Variants in GUCY1A2 observed in about 807,000 individuals in gnomAD.
GUCY1A2 encodes guanylate cyclase 1 soluble subunit alpha 2.
Under a neutral mutation model 63.5 loss-of-function variants are expected in GUCY1A2, and 27 were observed. The ratio of observed to expected loss-of-function variants is 0.43; its 90% CI spans 0.31 to 0.59. The LOEUF (loss-of-function observed/expected upper bound fraction) is 0.59, where lower values mean the gene tolerates loss of function less well. Ranked by LOEUF, GUCY1A2 falls within the 20% of genes least tolerant of loss-of-function variation. The probability of loss-of-function intolerance (pLI) is 0.11; values close to 1 mark genes in which losing one functional copy is unlikely to be tolerated. For missense variants in GUCY1A2, 768 were observed against 913.3 expected (o/e 0.84, Z 2.05); for synonymous variants, 364 against 343.5 (o/e 1.06, Z -0.66).
intron 7 of GUCY1A2, among the ~76,000 whole-genome samples, chr11:106,705,962 A>G (rs951840220): frequency 6.6e-6 from 1 of 152,202 alleles, no homozygotes; most frequent in African/African-American, 2.4e-5. Context: ...TGTTTTGTTC[A>G]TTTTTATTAA....
intron 1 of GUCY1A2, among the ~76,000 whole-genome samples, chr11:107,012,595 C>G (rs1297795218): frequency 6.6e-6 from 1 of 152,152 alleles, no homozygotes; most frequent in Non-Finnish European, 1.5e-5. Context: ...GAGGATTACT[C>G]AAACCGAAAT....
At chr11:106,878,322 A>G (rs1382672293) in intron 4 of GUCY1A2, among the ~76,000 whole-genome samples, 1 of 152,086 alleles carries the variant, frequency 6.6e-6, no homozygotes, top group Non-Finnish European at 1.5e-5. Flanking sequence ...ATAAGGACAC[A>G]AGGAACATCT....
At chr11:106,908,021 G>A (rs146793354) in intron 4 of GUCY1A2, among the ~76,000 whole-genome samples, 143 of 152,126 alleles carry the variant, frequency 9.4e-4, no homozygotes, top group African/African-American at 3.4e-3. Context: ...ACTTTATTAG[G>A]ATTATAACAG....
chr11:106,922,816 T>G (rs370720326), intron 4 of GUCY1A2, among the ~76,000 whole-genome samples: 1 of 151,326 alleles, frequency 6.6e-6, no homozygotes, highest in East Asian at 1.9e-4. Flanking sequence ...TCATTTCACA[T>G]GTATACTCCC....
rs560451955 is a variant in GUCY1A2 at position 106,730,892 on chromosome 11, C to T, written c.1837-22226G>A. 3.3e-5 allele frequency among the ~76,000 whole-genome samples: 5 copies of T among 152,074 alleles called. No individual in the cohort carries two copies. In the South Asian group the frequency reaches 8.3e-4, roughly 25 times the overall value. On this transcript the variant is annotated intron_variant, in intron 6 of 7. Transcript: ENST00000526355. ...GTGATGTTGGGCATTTTTTCATATGCTTATTGGCCATGTGTATGTCTTCTT... is the reference window on the plus strand; with the variant it reads ...GTGATGTTGGGCATTTTTTCATATGTTTATTGGCCATGTGTATGTCTTCTT...
chr11:106,941,351 C>A (rs890484509), intron 3 of GUCY1A2, among the ~76,000 whole-genome samples: 1 of 152,238 alleles, frequency 6.6e-6, no homozygotes, highest in South Asian at 2.1e-4. Flanking sequence ...AAGATCCCCC[C>A]CTTGAGGATG....
chr11:106,785,017 G>A (rs991537420), intron 5 of GUCY1A2, among the ~76,000 whole-genome samples: 2 of 152,084 alleles, frequency 1.3e-5, no homozygotes, highest in Non-Finnish European at 2.9e-5. Context: ...GTGTACATAG[G>A]TACCCACTCC....
chr11:106,962,059 T>C (rs1436642305), intron 3 of GUCY1A2, among the ~76,000 whole-genome samples: 1 of 152,218 alleles, frequency 6.6e-6, no homozygotes, highest in Non-Finnish European at 1.5e-5. Flanking sequence ...TATGTGGAGA[T>C]ACCAAGATTT....
intron 6 of GUCY1A2, among the ~76,000 whole-genome samples, chr11:106,709,621 G>GTATATATTATATACACGTA (rs1361240113): frequency 7.9e-5 from 3 of 37,864 alleles, no homozygotes; most frequent in East Asian, 2.8e-3. Context: ...TTATATACGT[G>GTATATATTATATACACGTA]TATATATTAT....
chr11:106,804,619 C>T, intron 5 of GUCY1A2, among the ~76,000 whole-genome samples: 1 of 152,152 alleles, frequency 6.6e-6, no homozygotes. Context: ...GAAGAGAGGG[C>T]TTTAGTAGCT....
intron 7 of GUCY1A2, among the ~76,000 whole-genome samples, chr11:106,703,026 C>T (rs1862844576): frequency 6.6e-6 from 1 of 152,130 alleles, no homozygotes; most frequent in Non-Finnish European, 1.5e-5. Flanking sequence ...TGGACACAAT[C>T]TAATCTATTC....
intron 5 of GUCY1A2, among the ~76,000 whole-genome samples, chr11:106,796,091 T>C (rs565931694): frequency 5.3e-4 from 81 of 152,292 alleles, no homozygotes; most frequent in African/African-American, 1.8e-3. Flanking sequence ...TTGATCTTTG[T>C]TGGTTTAAAG....
At chr11:106,799,878 A>G (rs1248739737) in intron 5 of GUCY1A2, among the ~76,000 whole-genome samples, 1 of 152,252 alleles carries the variant, frequency 6.6e-6, no homozygotes, top group African/African-American at 2.4e-5. Flanking sequence ...AATAAAAGCC[A>G]AAATTGACAA....
chr11:106,805,307 G>A (rs554527940), intron 5 of GUCY1A2, among the ~76,000 whole-genome samples: 18 of 150,988 alleles, frequency 1.2e-4, no homozygotes, highest in South Asian at 4.2e-4. Flanking sequence ...ATGCAGTGGC[G>A]TGATCTCAGC....
At chr11:106,962,901 T>A (rs558336752) in intron 3 of GUCY1A2, among the ~76,000 whole-genome samples, 2 of 152,016 alleles carry the variant, frequency 1.3e-5, no homozygotes, top group East Asian at 3.9e-4. Context: ...GCTTATGCTC[T>A]GACCTGTTAT....
intron 4 of GUCY1A2, chr11:106,827,615 A>T: frequency 6.6e-7 from 1 of 1,515,082 alleles, no homozygotes; most frequent in Non-Finnish European, 9.2e-7. Context: ...AGTGTTCTTC[A>T]CTCTTCAGTT....
chr11:106,939,434 C>A, intron 4 of GUCY1A2, 26 bp downstream of exon 4: 1 of 1,130,168 alleles, frequency 8.8e-7, no homozygotes. Context: ...TAGTTCCCAT[C>A]ACCATCTCAA....
At chr11:106,743,248 A>G (rs992328401) in intron 6 of GUCY1A2, among the ~76,000 whole-genome samples, 5 of 152,156 alleles carry the variant, frequency 3.3e-5, no homozygotes, top group African/African-American at 4.8e-5. Flanking sequence ...CTTCAAATTC[A>G]TAATACATAA....
chr11:106,698,107 C>T (rs1862750874), intron 7 of GUCY1A2, among the ~76,000 whole-genome samples: 1 of 110,976 alleles, frequency 9.0e-6, no homozygotes, highest in Non-Finnish European at 1.8e-5. Flanking sequence ...ACAGCTTTCA[C>T]TGAATGTTAG....
Sources: allele counts gnomAD v4.1 joint callset (sites outside exome capture counted in the v4.1 genomes callset), GRCh38; gene constraint gnomAD v4.1.1; transcripts MANE v1.5; gene names NCBI Gene and HGNC (gene_info 2026-07-23, HGNC 2026-07-21).